Variants in SORCS3 observed in about 807,000 individuals in gnomAD.
The protein encoded by SORCS3 is VPS10 domain-containing receptor SorCS3.
Under a neutral mutation model 146.3 loss-of-function variants are expected in SORCS3, and 57 were observed. That is an observed-to-expected ratio of 0.39 (90% CI 0.31 to 0.49). The LOEUF is 0.49. SORCS3 is among the 20% of genes least tolerant of loss of function. SORCS3 has a pLI of 0.92. For synonymous variants in SORCS3, 653 were observed against 618.5 expected (o/e 1.06, Z -0.83); for missense variants, 1,341 against 1,575.5 (o/e 0.85, Z 2.52).
intron 2 of SORCS3, among the ~76,000 whole-genome samples, chr10:104,913,094 G>C (rs937635540): frequency 2.6e-5 from 4 of 152,298 alleles, no homozygotes; most frequent in Admixed American, 2.6e-4. Context: ...GTCCAGAAAG[G>C]GACGTTGAAG....
chr10:105,081,381 A>G (rs1005322570), intron 5 of SORCS3, among the ~76,000 whole-genome samples: 4 of 152,132 alleles, frequency 2.6e-5, no homozygotes, highest in African/African-American at 9.7e-5. Flanking sequence ...TAATGTTCCA[A>G]GTTGGATTCT....
intron 2 of SORCS3, among the ~76,000 whole-genome samples, chr10:104,910,840 G>C (rs1045398618): frequency 6.6e-6 from 1 of 152,270 alleles, no homozygotes; most frequent in African/African-American, 2.4e-5. Flanking sequence ...TGGCTACACT[G>C]ACCTCATGCG....
chr10:104,651,453 G>C (rs2015557071), intron 1 of SORCS3, among the ~76,000 whole-genome samples: 1 of 151,586 alleles, frequency 6.6e-6, no homozygotes, highest in South Asian at 2.1e-4. Flanking sequence ...CAGTACTTTG[G>C]GAGGCTGAGG....
chr10:104,869,361 G>A (rs547913488), intron 2 of SORCS3, among the ~76,000 whole-genome samples: 8 of 152,228 alleles, frequency 5.3e-5, no homozygotes, highest in Admixed American at 4.6e-4. Context: ...AAACAGTCAG[G>A]AAGAGAGACA....
At chr10:105,247,412 G>T (rs936621456) in intron 22 of SORCS3, 81 bp downstream of exon 22, 10 of 706,482 alleles carry the variant, frequency 1.4e-5, no homozygotes, top group Non-Finnish European at 1.9e-5. Context: ...CATTGGCATG[G>T]ATTGAAACTG....
chr10:104,759,136 A>G (rs1838553789), intron 1 of SORCS3, among the ~76,000 whole-genome samples: 1 of 152,150 alleles, frequency 6.6e-6, no homozygotes, highest in Non-Finnish European at 1.5e-5. Context: ...TATAGGGAGG[A>G]TGCCATGTGA....
intron 1 of SORCS3, among the ~76,000 whole-genome samples, chr10:104,688,937 C>T (rs550961888): frequency 8.5e-5 from 13 of 152,310 alleles, no homozygotes; most frequent in Non-Finnish European, 2.9e-5. Flanking sequence ...TTCAGATGGG[C>T]ATGCATGCCA....
At chr10:104,704,604 C>T (rs1274472953) in intron 1 of SORCS3, among the ~76,000 whole-genome samples, 2 of 152,080 alleles carry the variant, frequency 1.3e-5, no homozygotes, top group East Asian at 1.9e-4. Context: ...CTGCTTACAG[C>T]CTTCTGAAGA....
chr10:105,022,012 TAAG>T (rs1398237609), intron 4 of SORCS3, among the ~76,000 whole-genome samples: 2 of 152,134 alleles, frequency 1.3e-5, no homozygotes, highest in East Asian at 3.9e-4. Context: ...GTGGATACAG[TAAG>T]AAGATCAGTA....
intron 7 of SORCS3, among the ~76,000 whole-genome samples, chr10:105,129,939 G>C (rs1318308784): frequency 1.3e-5 from 2 of 152,056 alleles, no homozygotes; most frequent in African/African-American, 4.8e-5. Flanking sequence ...GGCTACCCCA[G>C]CACCTCTTGA....
chr10:105,244,311 C>T (rs934701230), intron 20 of SORCS3, among the ~76,000 whole-genome samples: 1 of 151,418 alleles, frequency 6.6e-6, no homozygotes, highest in Admixed American at 6.6e-5. Flanking sequence ...GACCCTTGAA[C>T]AACAAGGGTT....
At chr10:104,985,226 T>G (rs1393452218) in intron 4 of SORCS3, among the ~76,000 whole-genome samples, 1 of 152,186 alleles carries the variant, frequency 6.6e-6, no homozygotes, top group Non-Finnish European at 1.5e-5. Context: ...TTTAAAATTC[T>G]TTCTTGTCAT....
intron 12 of SORCS3, 39 bp from the exon 13 acceptor site, chr10:105,167,219 G>T (rs775952459): frequency 2.5e-5 from 37 of 1,468,414 alleles, no homozygotes; most frequent in Non-Finnish European, 3.4e-5. Flanking sequence ...CAAATGTAAG[G>T]TGTTGCTATG....
intron 1 of SORCS3, among the ~76,000 whole-genome samples, chr10:104,660,621 T>C (rs530631985): frequency 3.3e-5 from 5 of 152,078 alleles, no homozygotes; most frequent in African/African-American, 1.2e-4. Flanking sequence ...TGTCTTCACT[T>C]TTTTTTTCTG....
intron 6 of SORCS3, among the ~76,000 whole-genome samples, chr10:105,097,515 G>A (rs756617512): frequency 3.7e-4 from 56 of 152,188 alleles, no homozygotes; most frequent in Non-Finnish European, 7.5e-4. Context: ...TGTCAATAGA[G>A]AGAGTATTAA....
At chr10:104,792,230 T>C (rs1022574102) in intron 1 of SORCS3, among the ~76,000 whole-genome samples, 2 of 152,176 alleles carry the variant, frequency 1.3e-5, no homozygotes, top group African/African-American at 4.8e-5. Flanking sequence ...AAGACAGTTA[T>C]CTGACAAACT....
intron 3 of SORCS3, among the ~76,000 whole-genome samples, chr10:104,939,462 C>G (rs776269554): frequency 5.3e-5 from 8 of 152,172 alleles, no homozygotes; most frequent in Non-Finnish European, 1.2e-4. Context: ...CCGATCAAAG[C>G]AGGTGTACTC....
At chr10:105,085,069 T>C (rs1234634786) in intron 5 of SORCS3, among the ~76,000 whole-genome samples, 10 of 152,144 alleles carry the variant, frequency 6.6e-5, no homozygotes, top group African/African-American at 2.4e-4. Flanking sequence ...CTGCCACCCA[T>C]CCCCACCAGG....
At chr10:105,245,739 A>G (rs1489466484) in intron 21 of SORCS3, 74 bp downstream of exon 21, 4 of 1,522,664 alleles carry the variant, frequency 2.6e-6, no homozygotes, top group Non-Finnish European at 3.5e-6. Flanking sequence ...CCCTACAATC[A>G]TTGAGTGTGG....
Sources: allele counts gnomAD v4.1 joint callset (sites outside exome capture counted in the v4.1 genomes callset), GRCh38; gene constraint gnomAD v4.1.1; transcripts MANE v1.5; gene names NCBI Gene and HGNC (gene_info 2026-07-23, HGNC 2026-07-21).